SSBP3: variants seen among roughly 807,000 people sequenced by gnomAD.
The protein encoded by SSBP3 is single stranded DNA binding protein 3, also known as single-stranded DNA-binding protein 3.
In SSBP3, 5 loss-of-function variants were observed where a neutral mutation model predicts 69.6. That is an observed-to-expected ratio of 0.07 (90% CI 0.04 to 0.15). The LOEUF (loss-of-function observed/expected upper bound fraction) is 0.15. Among genes scored for constraint, SSBP3 ranks in the 10% least tolerant of loss-of-function variants. The pLI, the probability that SSBP3 is intolerant of heterozygous loss-of-function variation, is 1.00. For synonymous variants in SSBP3, 196 were observed against 193.4 expected, an observed-to-expected ratio of 1.01 and a Z score of -0.11; for missense variants, 312 against 534.0, an observed-to-expected ratio of 0.58 and a Z score of 4.10.
chr1:54,359,432 AAAT>A (rs760085478), intron 4 of SSBP3, among the ~76,000 whole-genome samples: 1 of 152,206 alleles, frequency 6.6e-6, no homozygotes, highest in Non-Finnish European at 1.5e-5. Context: ...TCGACTGATA[AAAT>A]GCTAATGGGA....
At chr1:54,300,740 C>T (rs901578977) in intron 4 of SSBP3, among the ~76,000 whole-genome samples, 3 of 152,204 alleles carry the variant, frequency 2.0e-5, no homozygotes, top group Non-Finnish European at 4.4e-5. Flanking sequence ...GCTTTCTCTG[C>T]CTTCACCTAC....
intron 4 of SSBP3, among the ~76,000 whole-genome samples, chr1:54,293,171 G>A (rs1197463353): frequency 1.3e-5 from 2 of 152,124 alleles, no homozygotes; most frequent in African/African-American, 4.8e-5. Context: ...CAGATTATTT[G>A]TTGGGCATCT....
upstream of SSBP3, among the ~76,000 whole-genome samples, chr1:54,410,354 G>C (rs1461036603): frequency 6.6e-6 from 1 of 152,196 alleles, no homozygotes; most frequent in Non-Finnish European, 1.5e-5. Flanking sequence ...AAAGGAAAAG[G>C]GACTTTAGGC....
chr1:54,227,400 C>A (rs1004214737), intron 17 of SSBP3, among the ~76,000 whole-genome samples: 2 of 152,196 alleles, frequency 1.3e-5, no homozygotes, highest in African/African-American at 4.8e-5. Flanking sequence ...CTGTTGGGAA[C>A]TAAGGCAGCT....
At chr1:54,390,974 A>G (rs774857553) in intron 4 of SSBP3, among the ~76,000 whole-genome samples, 3 of 152,238 alleles carry the variant, frequency 2.0e-5, no homozygotes, top group Non-Finnish European at 4.4e-5. Flanking sequence ...CCCCCTCAGC[A>G]CCGGCTGGAT....
chr1:54,401,377 AACAC>A lies in SSBP3; in HGVS notation c.276+480_276+483del, dbSNP rs140889770. 2.3e-3 allele frequency among the ~76,000 whole-genome samples: 333 copies of A among 146,950 alleles called. 4 individuals are homozygous for A. The South Asian group carries it at 0.026, about 11-fold the overall frequency. On this transcript the variant is annotated intron_variant, in intron 4 of 17. Coordinates refer to ENST00000610401, the Ensembl canonical transcript of SSBP3. Reference sequence around the variant, plus strand: ...ATACAGTATGAGCCCACCCACACCAAACACACACACACACACACACACACACCCA... The same window carrying A: ...ATACAGTATGAGCCCACCCACACCAAACACACACACACACACACACACCCA...
intron 14 of SSBP3, among the ~76,000 whole-genome samples, chr1:54,230,592 G>C (rs536978781): frequency 6.6e-6 from 1 of 152,112 alleles, no homozygotes; most frequent in East Asian, 1.9e-4. Context: ...ATATTTACAG[G>C]GTTGTGCAAC....
chr1:54,349,205 C>G (rs1435916221), intron 4 of SSBP3, among the ~76,000 whole-genome samples: 1 of 152,216 alleles, frequency 6.6e-6, no homozygotes, highest in Non-Finnish European at 1.5e-5. Flanking sequence ...AGGGTCATAT[C>G]TTCCAACCCA....
At chr1:54,306,411 C>A (rs1645902637) in intron 4 of SSBP3, among the ~76,000 whole-genome samples, 1 of 152,176 alleles carries the variant, frequency 6.6e-6, no homozygotes, top group Non-Finnish European at 1.5e-5. Context: ...TCATTACTGG[C>A]AAAGACTGGG....
chr1:54,228,549 C>A, intron 15 of SSBP3, 72 bp from the exon 16 acceptor site: 1 of 1,593,026 alleles, frequency 6.3e-7, no homozygotes, highest in Non-Finnish European at 8.6e-7. Flanking sequence ...TCGTCCTGGG[C>A]TCCTCGGGCC....
chr1:54,373,072 G>T (rs1647161743), intron 4 of SSBP3, among the ~76,000 whole-genome samples: 1 of 152,204 alleles, frequency 6.6e-6, no homozygotes, highest in Admixed American at 6.5e-5. Flanking sequence ...CTGTGTGCCT[G>T]GGCCCTCTTC....
intron 4 of SSBP3, among the ~76,000 whole-genome samples, chr1:54,309,682 G>C (rs534570261): frequency 6.6e-6 from 1 of 152,080 alleles, no homozygotes; most frequent in South Asian, 2.1e-4. Flanking sequence ...CTAACTCCCC[G>C]GTTGCCCTGT....
At chr1:54,366,828 T>C (rs1382764444) in intron 4 of SSBP3, among the ~76,000 whole-genome samples, 3 of 152,228 alleles carry the variant, frequency 2.0e-5, no homozygotes, top group Non-Finnish European at 4.4e-5. Context: ...TGAATTCTAA[T>C]AAAACTTTAG....
intron 5 of SSBP3, among the ~76,000 whole-genome samples, chr1:54,279,985 C>T (rs1645361253): frequency 6.6e-6 from 1 of 152,244 alleles, no homozygotes; most frequent in South Asian, 2.1e-4. Context: ...TGGGGCTACA[C>T]TCATCTCCAC....
At chr1:54,234,768 GAA>G (rs57587408) in intron 14 of SSBP3, among the ~76,000 whole-genome samples, 1 of 138,470 alleles carries the variant, frequency 7.2e-6, no homozygotes, top group African/African-American at 2.6e-5. Flanking sequence ...TTTTATAAAA[GAA>G]AAAAAAAAAA....
chr1:54,301,457 C>T (rs1645799463), intron 4 of SSBP3, among the ~76,000 whole-genome samples: 1 of 152,190 alleles, frequency 6.6e-6, no homozygotes, highest in African/African-American at 2.4e-5. Flanking sequence ...CTCAACACCC[C>T]CTACCCATGC....
intron 4 of SSBP3, among the ~76,000 whole-genome samples, chr1:54,311,125 A>G (rs756189561): frequency 1.3e-5 from 2 of 152,180 alleles, no homozygotes; most frequent in Non-Finnish European, 2.9e-5. Flanking sequence ...TGGGAAAACA[A>G]GGTGGGGGAC....
At chr1:54,290,188 C>A (rs1385762517) in intron 4 of SSBP3, among the ~76,000 whole-genome samples, 4 of 152,214 alleles carry the variant, frequency 2.6e-5, no homozygotes. Flanking sequence ...GGTCAGGGCC[C>A]AGTCCTTCCA....
intron 4 of SSBP3, among the ~76,000 whole-genome samples, chr1:54,390,730 G>A (rs934985824): frequency 5.9e-5 from 9 of 152,224 alleles, no homozygotes; most frequent in Non-Finnish European, 8.8e-5. Context: ...CTTTTGAAGC[G>A]GCTCACCAGC....
Sources: gnomAD v4.1 joint callset for allele counts (sites outside exome capture counted in the v4.1 genomes callset) on GRCh38, gnomAD v4.1.1 for gene constraint, MANE v1.5 for transcripts, NCBI Gene and HGNC (gene_info 2026-07-23, HGNC 2026-07-21) for gene names.